AR: variants seen among roughly 807,000 people sequenced by gnomAD.
AR encodes androgen receptor, also known as dihydrotestosterone receptor.
Under a neutral mutation model 53.9 loss-of-function variants are expected in AR, and 8 were observed. That is an observed-to-expected ratio of 0.15 (90% CI 0.09 to 0.27). AR has a LOEUF of 0.27. AR is among the 10% of genes least tolerant of loss of function. The pLI is 1.00. For missense variants in AR, 639 were observed against 742.5 expected (o/e 0.86, Z 1.62); for synonymous variants, 359 against 316.4 (o/e 1.13, Z -1.43).
intron 2 of AR, among the ~76,000 whole-genome samples, chrX:67,663,605 G>T (rs1272852808): frequency 9.0e-6 from 1 of 111,366 alleles, no homozygotes; most frequent in Non-Finnish European, 1.9e-5. Context: ...TATGTGTCTT[G>T]GAGTTGCTCT....
chrX:67,558,085 A>G (rs1270796605), intron 1 of AR, among the ~76,000 whole-genome samples: 1 of 111,942 alleles, frequency 8.9e-6, no homozygotes, highest in Non-Finnish European at 1.9e-5. Flanking sequence ...TGCCTGAGGC[A>G]CCAAGATGGA....
At chrX:67,722,177 A>G (rs1368248164) in intron 6 of AR, 4 of 435,948 alleles carry the variant, frequency 9.2e-6, no homozygotes, top group Non-Finnish European at 1.6e-5. Context: ...CTAGAAGTCA[A>G]CCTCCATCAG....
chrX:67,648,568 G>T (rs1312338227), intron 2 of AR, among the ~76,000 whole-genome samples: 1 of 111,566 alleles, frequency 9.0e-6, no homozygotes, highest in African/African-American at 3.3e-5. Flanking sequence ...AACACGACTA[G>T]ACCACAGGCT....
intron 2 of AR, among the ~76,000 whole-genome samples, chrX:67,654,009 A>G (rs2036690699): frequency 8.9e-6 from 1 of 112,158 alleles, no homozygotes; most frequent in Non-Finnish European, 1.9e-5. Context: ...AATCTCTACA[A>G]TTTTACAGAT....
chrX:67,668,733 T>C (rs1419975391), intron 2 of AR, among the ~76,000 whole-genome samples: 1 of 111,493 alleles, frequency 9.0e-6, no homozygotes, highest in Non-Finnish European at 1.9e-5. Flanking sequence ...TCAATCTTAT[T>C]ACTTGTTATT....
chrX:67,717,192 C>T (rs1377764493), intron 4 of AR, among the ~76,000 whole-genome samples: 3 of 111,944 alleles, frequency 2.7e-5, no homozygotes, highest in Non-Finnish European at 5.6e-5. Flanking sequence ...CTCATATAAG[C>T]AGTCAATAAG....
At chrX:67,587,595 A>C (rs1177633866) in intron 1 of AR, among the ~76,000 whole-genome samples, 1 of 111,734 alleles carries the variant, frequency 8.9e-6, no homozygotes, top group Non-Finnish European at 1.9e-5. Context: ...TTTGAGCATG[A>C]TAACCACATT....
Position 67,705,147 on chromosome X carries a change from A to T in AR, c.1886-6255A>T, listed in dbSNP as rs1327187477. On this transcript the variant is annotated intron_variant, in intron 3 of 7. Transcript: ENST00000374690. Reference sequence around the variant, plus strand: ...AATGCAGGCTCTTTTTTGGTTCCATATGAACTTTAAAGTAGTTTTCTCCAA... The same window carrying T: ...AATGCAGGCTCTTTTTTGGTTCCATTTGAACTTTAAAGTAGTTTTCTCCAA... Among the ~76,000 whole-genome samples the T allele has an allele frequency of 3.6e-5, 4 of 111,339 alleles. No homozygotes were observed. In the Admixed American group the frequency reaches 3.8e-4, roughly 11 times the overall value.
At chrX:67,634,943 A>G (rs1050322723) in intron 1 of AR, among the ~76,000 whole-genome samples, 5 of 110,831 alleles carry the variant, frequency 4.5e-5, no homozygotes, top group Non-Finnish European at 1.9e-5. Flanking sequence ...TAGTTTGAAA[A>G]GTAGGTATGT....
intron 1 of AR, among the ~76,000 whole-genome samples, chrX:67,580,571 G>A (rs1922253051): frequency 9.0e-6 from 1 of 111,360 alleles, no homozygotes; most frequent in African/African-American, 3.3e-5. Context: ...GAATCTAAAG[G>A]TATCATCTTT....
chrX:67,715,263 G>T (rs1306998245), intron 4 of AR, among the ~76,000 whole-genome samples: 1 of 109,355 alleles, frequency 9.1e-6, no homozygotes, highest in Non-Finnish European at 1.9e-5. Flanking sequence ...CTTATTTCCT[G>T]CTGAGAAGGG....
At position 67,703,570 on chromosome X, in the gene AR, G is replaced by A. The variant is rs972779809; in HGVS notation, c.1886-7832G>A. Among the ~76,000 whole-genome samples the A allele has an allele frequency of 1.2e-4, 13 of 111,559 alleles. 1 individual carries two copies. The South Asian group carries it at 3.0e-3, about 26-fold the overall frequency. On this transcript the variant is annotated intron_variant, in intron 3 of 7. Coordinates refer to ENST00000374690, the MANE Select transcript of AR (RefSeq NM_000044.6). ...CTCTCACTTCTTTGATACTATTGAG[G>A]ACTTCAGCCTTTCACCGCTCTTCTC...
chrX:67,567,195 C>A (rs1453767202), intron 1 of AR, among the ~76,000 whole-genome samples: 1 of 111,449 alleles, frequency 9.0e-6, no homozygotes, highest in African/African-American at 3.3e-5. Flanking sequence ...AAAGGTTTTA[C>A]AGCCTTTCTG....
At position 67,709,116 on chromosome X, in the gene AR, G is replaced by A. The variant is rs373459620; in HGVS notation, c.1886-2286G>A. On this transcript the variant is annotated intron_variant, in intron 3 of 7. Coordinates refer to ENST00000374690, the MANE Select transcript of AR (RefSeq NM_000044.6). The stretch of plus-strand genomic sequence containing the variant: ...AGCCACTTGAGGAGGCAGTCTGTCC[G>A]TTCTCAGATCTCCAGCTGTGTGCTG... Among the ~76,000 whole-genome samples, 57 of 111,948 alleles carry A rather than the reference G, an allele frequency of 5.1e-4. No homozygotes were observed. The East Asian group carries it at 0.014, about 28-fold the overall frequency.
intron 1 of AR, among the ~76,000 whole-genome samples, chrX:67,554,290 T>G (rs1446798441): frequency 8.9e-6 from 1 of 112,232 alleles, no homozygotes; most frequent in Non-Finnish European, 1.9e-5. Flanking sequence ...ATGTTTAGGT[T>G]ATCGTAAGCA....
At chrX:67,556,660 A>G (rs757355263) in intron 1 of AR, among the ~76,000 whole-genome samples, 1 of 112,275 alleles carries the variant, frequency 8.9e-6, no homozygotes, top group South Asian at 3.7e-4. Context: ...AGTGCCATGC[A>G]GAATAACTTC....
intron 1 of AR, among the ~76,000 whole-genome samples, chrX:67,565,192 A>G (rs906881545): frequency 5.4e-5 from 6 of 111,780 alleles, no homozygotes; most frequent in African/African-American, 1.6e-4. Context: ...GGAAATCACA[A>G]TGGATCCATG....
At chrX:67,678,957 C>CAATA (rs1335686035) in intron 2 of AR, among the ~76,000 whole-genome samples, 1 of 111,430 alleles carries the variant, frequency 9.0e-6, no homozygotes, top group Non-Finnish European at 1.9e-5. Flanking sequence ...TTATATTGAA[C>CAATA]TATTGCACAG....
chrX:67,642,618 C>A (rs1397168831), intron 1 of AR, among the ~76,000 whole-genome samples: 1 of 110,887 alleles, frequency 9.0e-6, no homozygotes. Context: ...TCCATGTGAT[C>A]TATAGAAACA....
Sources: allele counts gnomAD v4.1 joint callset (sites outside exome capture counted in the v4.1 genomes callset), GRCh38; gene constraint gnomAD v4.1.1; transcripts MANE v1.5; gene names NCBI Gene and HGNC (gene_info 2026-07-23, HGNC 2026-07-21).